The following VPS72 variants were observed in gnomAD, a reference collection of about 807,000 sequenced individuals.
VPS72 encodes vacuolar protein sorting-associated protein 72 homolog.
Under a neutral mutation model 38.9 loss-of-function variants are expected in VPS72, and 27 were observed. The observed-to-expected ratio is 0.69, with a 90% confidence interval of 0.51 to 0.96. The LOEUF (loss-of-function observed/expected upper bound fraction) is 0.96, where lower values mean the gene tolerates loss of function less well. VPS72 is among the 40% of genes least tolerant of loss of function. The pLI is 0.00. For synonymous variants in VPS72, 173 were observed against 186.3 expected, an observed-to-expected ratio of 0.93 and a Z score of 0.58; for missense variants, 360 against 479.5, an observed-to-expected ratio of 0.75 and a Z score of 2.33.
At chr1:151,182,279 G>A (rs749322400) in intron 4 of VPS72, among the ~76,000 whole-genome samples, 10 of 151,682 alleles carry the variant, frequency 6.6e-5, no homozygotes, top group Non-Finnish European at 1.3e-4. Flanking sequence ...TCCACCCGCC[G>A]CAGCCTTCCA....
chr1:151,190,190 A>G lies in VPS72; in HGVS notation c.-69T>C. On this transcript the variant is annotated 5_prime_UTR_variant, in exon 1 of 6. Coordinates refer to ENST00000368892, the MANE Select transcript of VPS72 (RefSeq NM_005997.3). The stretch of plus-strand genomic sequence containing the variant: ...CTCGGTTTTGGGAGCTCGACGCTCG[A>G]CATCACTACCTGCGGGTGGCCACCA... The G allele has an allele frequency of 6.4e-7, 1 of 1,553,432 alleles. No individual in the cohort carries two copies.
In VPS72 at chr1:151,176,768, T is replaced by C; in HGVS notation, c.971A>G (p.Lys324Arg). 6.2e-7 allele frequency: 1 copy of C among 1,614,158 alleles called. No homozygotes were observed. ...RAFKIIREAY[K>R]KYITAHGLPP... ...CAGTCCATGGGCAGTAATGTACTTC[T>C]TGTAAGCCTCACGAATGATCTTGAA... Residue 324 changes from lysine to arginine, a missense_variant, in exon 6 of 6, where the codon AAG becomes AGG. This residue lies in a region of VPS72 where 294 missense variants were observed against 356.3 expected (regional missense o/e 0.83). Transcript: ENST00000368892.
chr1:151,188,426 G>GT (rs1684397455), intron 1 of VPS72, among the ~76,000 whole-genome samples: 1 of 152,142 alleles, frequency 6.6e-6, no homozygotes, highest in South Asian at 2.1e-4. Flanking sequence ...TCATTACAGA[G>GT]TAAGTAACCT....
chr1:151,180,150 C>A (rs1401281096), intron 4 of VPS72, among the ~76,000 whole-genome samples: 1 of 151,638 alleles, frequency 6.6e-6, no homozygotes, highest in East Asian at 2.0e-4. Context: ...GAGACCCTGT[C>A]TCTACTAATA....
chr1:151,189,713 G>C (rs1051555295), intron 1 of VPS72, among the ~76,000 whole-genome samples: 1 of 152,116 alleles, frequency 6.6e-6, no homozygotes. Flanking sequence ...TACAGTGAAA[G>C]ATGCAACCAC....
At position 151,184,353 on chromosome 1, in the gene VPS72, C is replaced by T; in HGVS notation, c.526G>A (p.Ala176Thr). 6.2e-7 allele frequency: 1 copy of T among 1,614,114 alleles called. No individual in the cohort carries two copies. Among genetic ancestry groups the T allele is most frequent in the Non-Finnish European group, 8.5e-7 (1 of 1,180,024 alleles). The change falls in exon 4 of 6, where the codon GCC (alanine) becomes ACC (threonine). Residue 176 changes from alanine to threonine, a missense_variant. By Grantham distance (58) the Ala-to-Thr change is moderately conservative. Coordinates refer to ENST00000368892, the MANE Select transcript of VPS72 (RefSeq NM_005997.3). ...AAATTAAGCTCTTCTGTGATCTTGG[C>T]CTCCCGGAGCAGTTCCTCCTGGGTT... ...PLTQEELLREAKITEELNLRS... is the reference protein window; with the variant it reads ...PLTQEELLRETKITEELNLRS...
At chr1:151,186,428 G>T (rs192396930) in intron 1 of VPS72, among the ~76,000 whole-genome samples, 5 of 151,968 alleles carry the variant, frequency 3.3e-5, no homozygotes, top group African/African-American at 1.2e-4. Context: ...GCATGGTGAC[G>T]CACACCTGTA....
chr1:151,177,004 T>G lies in VPS72; in HGVS notation c.735A>C (p.Ala245=). 1 of 1,581,290 alleles carries G rather than the reference T, an allele frequency of 6.3e-7. No homozygotes were observed. The highest frequency in any genetic ancestry group is 8.6e-7 in the Non-Finnish European group (1 of 1,161,936). The change falls in exon 6 of 6, where the codon GCA becomes GCC. Residue 245 remains alanine, a synonymous_variant. Coordinates refer to ENST00000368892, the MANE Select transcript of VPS72 (RefSeq NM_005997.3). ...EGLDPAPSVS[A]LTPHAGTGPV... is the part of the protein sequence containing the mutation. ...GTCCAGTCCCAGCATGAGGAGTCAA[T>G]GCAGACACCGAGGGAGCAGGATCAA... is the stretch of plus-strand genomic sequence containing the variant.
At chr1:151,179,459 C>T (rs966722084) in intron 4 of VPS72, among the ~76,000 whole-genome samples, 21 of 151,964 alleles carry the variant, frequency 1.4e-4, no homozygotes, top group Admixed American at 9.8e-4. Flanking sequence ...ATTAGCTGGA[C>T]GTGGTGGTGA....
chr1:151,184,266 T>C (rs1420138233), intron 4 of VPS72, 51 bp downstream of exon 4: 1 of 1,585,380 alleles, frequency 6.3e-7, no homozygotes, highest in Admixed American at 1.8e-5. Context: ...TCATGGTTTT[T>C]CTCATGCCCC....
At chr1:151,180,718 G>A (rs916388799) in intron 4 of VPS72, among the ~76,000 whole-genome samples, 22 of 152,196 alleles carry the variant, frequency 1.4e-4, no homozygotes, top group African/African-American at 5.3e-4. Context: ...TTACAGGCGT[G>A]AGCCACCACG....
At chr1:151,178,638 A>C (rs1457125990) in intron 4 of VPS72, among the ~76,000 whole-genome samples, 1 of 152,182 alleles carries the variant, frequency 6.6e-6, no homozygotes, top group Non-Finnish European at 1.5e-5. Context: ...CTCCAAAAAA[A>C]AAATTAGTAA....
At chr1:151,184,601 T>C in intron 3 of VPS72, 108 bp from the exon 4 acceptor site, 1 of 1,263,796 alleles carries the variant, frequency 7.9e-7, no homozygotes. Flanking sequence ...TTTTTTTTTT[T>C]TTGAGATGGA....
rs983086270 is a variant in VPS72 at position 151,176,497 on chromosome 1, C to T, written c.*147G>A. On this transcript the variant is annotated 3_prime_UTR_variant, in exon 6 of 6. Coordinates refer to ENST00000368892, the MANE Select transcript of VPS72 (RefSeq NM_005997.3). The stretch of plus-strand genomic sequence containing the variant: ...TATTTTATTAGATTAAAAAACACAA[C>T]GAAACCTGTAAGAACTAGGGGAAAA... The T allele has an allele frequency of 9.0e-6, 12 of 1,337,772 alleles. No homozygotes were observed. The highest frequency in any genetic ancestry group is 5.9e-5 in the South Asian group (4 of 68,178). 82.9% of individuals were successfully genotyped at this position (1,337,772 alleles called of 1,614,324 possible). A position where few individuals can be genotyped will look rare whatever the true frequency, so the allele number is the denominator to read the frequency against.
At chr1:151,183,140 A>C (rs1217201223) in intron 4 of VPS72, among the ~76,000 whole-genome samples, 1 of 151,932 alleles carries the variant, frequency 6.6e-6, no homozygotes, top group Non-Finnish European at 1.5e-5. Context: ...AAACCTGGGA[A>C]TTGCCGCGGG....
chr1:151,177,937 C>A, intron 5 of VPS72, 64 bp downstream of exon 5: 1 of 1,561,462 alleles, frequency 6.4e-7, no homozygotes, highest in South Asian at 1.2e-5. Context: ...GAAAAGCAAG[C>A]AAAATGGGGC....
Position 151,185,623 on chromosome 1 carries a change from G to A in VPS72, c.271-3C>T, listed in dbSNP as rs768769494. 20 of 1,613,916 alleles carry A rather than the reference G, an allele frequency of 1.2e-5. No homozygotes were observed. The South Asian group carries it at 2.1e-4, about 17-fold the overall frequency. ...GGCCTTAAGCTCTTGAGAGGTTCCTGAGGACAGATTGGAATCAGATACTGG... is the reference window on the plus strand; with the variant it reads ...GGCCTTAAGCTCTTGAGAGGTTCCTAAGGACAGATTGGAATCAGATACTGG... On this transcript the variant is annotated splice_polypyrimidine_tract_variant and splice_region_variant and intron_variant, in intron 2 of 5. Coordinates refer to ENST00000368892, the MANE Select transcript of VPS72 (RefSeq NM_005997.3).
At chr1:151,189,859 C>A in intron 1 of VPS72, 146 bp downstream of exon 1, 1 of 933,386 alleles carries the variant, frequency 1.1e-6, no homozygotes. Context: ...CCGCCTCGCC[C>A]CCCGGCTCCG....
At chr1:151,189,193 G>C (rs935005519) in intron 1 of VPS72, among the ~76,000 whole-genome samples, 10 of 152,118 alleles carry the variant, frequency 6.6e-5, no homozygotes, top group African/African-American at 2.2e-4. Context: ...TACCCCACTG[G>C]GGCATGGAGT....
Sources: allele counts gnomAD v4.1 joint callset (sites outside exome capture counted in the v4.1 genomes callset), GRCh38; gene constraint gnomAD v4.1.1; regional missense constraint gnomAD v4.1.1; transcripts MANE v1.5; gene names NCBI Gene and HGNC (gene_info 2026-07-23, HGNC 2026-07-21).